Variants in GALNS observed in about 807,000 individuals in gnomAD.
GALNS encodes the protein galactosamine (N-acetyl)-6-sulfatase, also known as N-acetylgalactosamine-6-sulfatase.
GALNS carries 65 observed loss-of-function variants against 65.9 expected under a neutral mutation model. That is an observed-to-expected ratio of 0.99 (90% CI 0.81 to 1.21). GALNS has a LOEUF of 1.21. Among genes scored for constraint, GALNS ranks in the 50% most tolerant of loss-of-function variants. The pLI, the probability that GALNS is intolerant of heterozygous loss-of-function variation, is 0.00. For missense variants in GALNS, 776 were observed against 700.7 expected (o/e 1.11, Z -1.21); for synonymous variants, 346 against 288.9 (o/e 1.20, Z -2.00).
At chr16:88,825,253 A>AACCG (rs1567519927) in intron 10 of GALNS, among the ~76,000 whole-genome samples, 10 of 50,132 alleles carry the variant, frequency 2.0e-4, no homozygotes, top group African/African-American at 1.3e-3. Context: ...CTGGGTGGCC[A>AACCG]GGGCTGGGGT....
Position 88,822,582 on chromosome 16 carries a change from G to T in GALNS, c.1364+7C>A. The T allele has an allele frequency of 6.2e-7, 1 of 1,612,364 alleles. No homozygotes were observed. The highest frequency in any genetic ancestry group is 1.1e-5 in the South Asian group (1 of 91,000). ...CTCAGCAGCCAGGAGGCCCTGCACC[G>T]ACTCACCTGAGGGGGAACCTCTCCC... On this transcript the variant is annotated splice_region_variant and intron_variant, in intron 12 of 13. Coordinates refer to ENST00000268695, the MANE Select transcript of GALNS (RefSeq NM_000512.5).
chr16:88,829,905 G>A (rs1269477315), intron 9 of GALNS, among the ~76,000 whole-genome samples: 1 of 152,202 alleles, frequency 6.6e-6, no homozygotes, highest in Non-Finnish European at 1.5e-5. Context: ...GGGTGAGCAG[G>A]GGGTGGGGTG....
intron 9 of GALNS, among the ~76,000 whole-genome samples, chr16:88,827,366 C>T (rs907121695): frequency 2.6e-5 from 4 of 152,196 alleles, no homozygotes; most frequent in East Asian, 3.9e-4. Context: ...CCTTGACCTC[C>T]GGAGGGCGTG....
At chr16:88,849,732 G>C (rs1967419941) in intron 1 of GALNS, among the ~76,000 whole-genome samples, 1 of 152,132 alleles carries the variant, frequency 6.6e-6, no homozygotes, top group African/African-American at 2.4e-5. Flanking sequence ...CCCTGAGATG[G>C]TTTATTTTGA....
intron 10 of GALNS, among the ~76,000 whole-genome samples, chr16:88,826,470 C>T (rs1910933241): frequency 1.3e-5 from 2 of 152,126 alleles, no homozygotes; most frequent in South Asian, 4.1e-4. Flanking sequence ...CTAAGGCTTT[C>T]TTGAAAGCCA....
At chr16:88,823,443 A>C (rs2142992853) in intron 11 of GALNS, among the ~76,000 whole-genome samples, 1 of 152,374 alleles carries the variant, frequency 6.6e-6, no homozygotes, top group South Asian at 2.1e-4. Context: ...CTGCAGGCCA[A>C]GGGGCTCGTC....
chr16:88,854,936 G>T (rs1444831033), intron 1 of GALNS, among the ~76,000 whole-genome samples: 1 of 152,200 alleles, frequency 6.6e-6, no homozygotes, highest in Non-Finnish European at 1.5e-5. Flanking sequence ...GCCACACAGT[G>T]GAGGCCACAG....
chr16:88,849,362 G>C (rs1290559968), intron 1 of GALNS, among the ~76,000 whole-genome samples: 5 of 152,150 alleles, frequency 3.3e-5, no homozygotes, highest in African/African-American at 9.7e-5. Flanking sequence ...TTGGCTCACT[G>C]CAACCTCCGG....
chr16:88,842,219 C>T, intron 2 of GALNS: 1 of 608,442 alleles, frequency 1.6e-6, no homozygotes, highest in Non-Finnish European at 3.0e-6. Context: ...GACCCCGCCT[C>T]CTTTCGCAGG....
intron 9 of GALNS, 81 bp from the exon 10 acceptor site, chr16:88,826,919 A>AC: frequency 6.7e-7 from 1 of 1,496,460 alleles, no homozygotes; most frequent in Non-Finnish European, 9.1e-7. Flanking sequence ...GGGGGGCGTG[A>AC]GCCCCGCTGC....
At chr16:88,833,505 G>A (rs1258299063) in intron 8 of GALNS, among the ~76,000 whole-genome samples, 1 of 148,770 alleles carries the variant, frequency 6.7e-6, no homozygotes, top group Non-Finnish European at 1.5e-5. Flanking sequence ...AGGCTGGAGT[G>A]CAGTGGTGCG....
At chr16:88,830,249 AAAAAAAAC>A (rs1911356958) in intron 9 of GALNS, among the ~76,000 whole-genome samples, 1 of 150,570 alleles carries the variant, frequency 6.6e-6, no homozygotes, top group East Asian at 1.9e-4. Context: ...AAAAAAAAAA[AAAAAAAAC>A]GTGGAACAGG....
intron 13 of GALNS, chr16:88,817,071 C>T (rs1597521720): frequency 1.0e-6 from 1 of 985,440 alleles, no homozygotes; most frequent in Non-Finnish European, 1.2e-6. Flanking sequence ...TCTGAAGGAG[C>T]TGTGAAGACC....
chr16:88,814,546 A>T, intron 13 of GALNS, 21 bp from the exon 14 acceptor site: 1 of 1,551,492 alleles, frequency 6.4e-7, no homozygotes, highest in African/African-American at 1.4e-5. Context: ...AAAATTGAGA[A>T]AAAGAACATG....
At chr16:88,821,876 G>C (rs929365403) in intron 12 of GALNS, among the ~76,000 whole-genome samples, 7 of 152,176 alleles carry the variant, frequency 4.6e-5, no homozygotes, top group African/African-American at 1.7e-4. Context: ...GAGACCACTA[G>C]GCATGCACGT....
intron 9 of GALNS, among the ~76,000 whole-genome samples, chr16:88,831,138 C>A (rs1263701541): frequency 1.3e-5 from 2 of 152,250 alleles, no homozygotes; most frequent in African/African-American, 2.4e-5. Context: ...CACCGAGAGC[C>A]TTCCTGCCTG....
intron 9 of GALNS, 48 bp downstream of exon 9, chr16:88,831,950 C>A: frequency 1.3e-6 from 2 of 1,539,908 alleles, no homozygotes; most frequent in South Asian, 1.1e-5. Context: ...CCTGGGATGG[C>A]TGCAGGCCTG....
At position 88,841,040 on chromosome 16, in the gene GALNS, G is replaced by A. The variant is rs746949976; in HGVS notation, c.374C>T (p.Pro125Leu). 13 of 1,613,178 alleles carry A rather than the reference G, an allele frequency of 8.1e-6. No homozygotes were observed. Among genetic ancestry groups the A allele is most frequent in the East Asian group, 2.2e-5 (1 of 44,876 alleles). ...GTAGCCGGCCTTCTTCAGAAGCTCCGGCAGGAGCTGCTCCGAGTCTGGGAT... is the reference window on the plus strand; with the variant it reads ...GTAGCCGGCCTTCTTCAGAAGCTCCAGCAGGAGCTGCTCCGAGTCTGGGAT... ...GGIPDSEQLLPELLKKAGYVS... is the reference protein window; with the variant it reads ...GGIPDSEQLLLELLKKAGYVS... Residue 125 changes from proline (P) to leucine (L), a missense_variant, in exon 4 of 14, where the codon CCG becomes CTG. By Grantham distance (98) the Pro-to-Leu change is moderately conservative (BLOSUM62 -3). Coordinates refer to ENST00000268695, the MANE Select transcript of GALNS (RefSeq NM_000512.5).
chr16:88,828,601 T>C (rs1364827405), intron 9 of GALNS, among the ~76,000 whole-genome samples: 1 of 152,196 alleles, frequency 6.6e-6, no homozygotes, highest in Non-Finnish European at 1.5e-5. Flanking sequence ...AAAAGGCAAC[T>C]TGGTGGCTCT....
Sources: allele counts gnomAD v4.1 joint callset (sites outside exome capture counted in the v4.1 genomes callset), GRCh38; gene constraint gnomAD v4.1.1; transcripts MANE v1.5; gene names NCBI Gene and HGNC (gene_info 2026-07-23, HGNC 2026-07-21).